EIF2AK1: variants seen among roughly 807,000 people sequenced by gnomAD.
EIF2AK1 encodes the protein eukaryotic translation initiation factor 2-alpha kinase 1.
A neutral mutation model predicts 77.9 loss-of-function variants in EIF2AK1; 54 were observed. That is an observed-to-expected ratio of 0.69 (90% confidence interval 0.56 to 0.87). The LOEUF is 0.87. EIF2AK1 is among the 40% of genes least tolerant of loss of function. The pLI is 0.00. For missense variants in EIF2AK1, 810 were observed against 768.6 expected (o/e 1.05, Z -0.64); for synonymous variants, 314 against 290.5 (o/e 1.08, Z -0.82).
intron 2 of EIF2AK1, among the ~76,000 whole-genome samples, chr7:6,050,279 C>G (rs927999109): frequency 6.6e-6 from 1 of 152,154 alleles, no homozygotes; most frequent in Non-Finnish European, 1.5e-5. Flanking sequence ...ACTGTAACCT[C>G]CACCTCCCGG....
rs940789731 is a variant in EIF2AK1, at chr7:6,028,497, C to T, written c.1530+118G>A. 1.5e-5 allele frequency: 14 copies of T among 916,912 alleles called. No homozygotes were observed. The African/African-American group carries it at 2.1e-4, about 14-fold the overall frequency. The allele number at this position is 916,912 out of a possible 1,614,324, so 56.8% of individuals were successfully genotyped here. A position where few individuals can be genotyped will look rare whatever the true frequency, so the allele number is the denominator to read the frequency against. ...GAACTCCTGACCTCCGGTGATCCAC[C>T]CACCTCGGCCTCCCAAAGTGCTGGG... is the stretch of plus-strand genomic sequence containing the variant. On this transcript the variant is annotated intron_variant, in intron 13 of 14. Transcript: ENST00000199389.
chr7:6,049,070 G>A (rs1788523580), intron 3 of EIF2AK1, among the ~76,000 whole-genome samples: 1 of 152,106 alleles, frequency 6.6e-6, no homozygotes, highest in Admixed American at 6.6e-5. Context: ...CCATGCAGGA[G>A]CTCCCCACCC....
rs893931715 is a variant in EIF2AK1 at position 6,032,463 on chromosome 7, G to A, written c.1333-3431C>T. 7.2e-5 allele frequency among the ~76,000 whole-genome samples: 11 copies of A among 152,180 alleles called. No homozygotes were observed. Among genetic ancestry groups the A allele is most frequent in the African/African-American group, 2.7e-4 (11 of 41,448 alleles). ...CTGCTGATAATACGACTTTGGCAAC[G>A]ACACAGCACCTACTTGTCCATCACC... On this transcript the variant is annotated intron_variant, in intron 11 of 14. Coordinates refer to ENST00000199389, the MANE Select transcript of EIF2AK1 (RefSeq NM_014413.4). This position sits in a 1 kb window ranked among gnomAD's most constrained non-coding sequence, Gnocchi z 4.3.
In EIF2AK1 at chr7:6,040,474, A is replaced by T. The variant is rs180935290; in HGVS notation, c.1119+418T>A. 5.9e-5 allele frequency among the ~76,000 whole-genome samples: 9 copies of T among 152,312 alleles called. No homozygotes were observed. The East Asian group carries it at 1.5e-3, about 26-fold the overall frequency. On this transcript the variant is annotated intron_variant, in intron 9 of 14. Transcript: ENST00000199389. Reference sequence around the variant, plus strand: ...CAAGAGCCTCCTGAAAACTACAACTAACATAAAACCAATTTTAAAATTAAA... The same window carrying T: ...CAAGAGCCTCCTGAAAACTACAACTTACATAAAACCAATTTTAAAATTAAA...
intron 11 of EIF2AK1, among the ~76,000 whole-genome samples, chr7:6,030,870 T>G (rs1787890111): frequency 6.6e-6 from 1 of 152,176 alleles, no homozygotes; most frequent in South Asian, 2.1e-4. Context: ...TAGATCACAC[T>G]AAATGGCTTT....
In EIF2AK1 at chr7:6,036,421, T is replaced by A; in HGVS notation, c.1332+1003A>T. The A allele has an allele frequency of 7.1e-7, 1 of 1,413,118 alleles. No homozygotes were observed. Among genetic ancestry groups the A allele is most frequent in the Non-Finnish European group, 9.3e-7 (1 of 1,079,588 alleles). The allele number at this position is 1,413,118 out of a possible 1,614,324, so 87.5% of individuals were successfully genotyped here. On this transcript the variant is annotated intron_variant, in intron 11 of 14. Coordinates refer to ENST00000199389, the MANE Select transcript of EIF2AK1 (RefSeq NM_014413.4). This position sits in a 1 kb window ranked among gnomAD's most constrained non-coding sequence, Gnocchi z 4.6. The stretch of plus-strand genomic sequence containing the variant: ...TCCCAGTTTCACAGCAGAGGGACTT[T>A]CAGCCACTCAAACTGCATTTTCTGG...
At chr7:6,041,966 T>C (rs1788311841) in intron 8 of EIF2AK1, among the ~76,000 whole-genome samples, 1 of 151,818 alleles carries the variant, frequency 6.6e-6, no homozygotes, top group Non-Finnish European at 1.5e-5. Flanking sequence ...CTGAACAGCA[T>C]GGCAAAACCC....
chr7:6,033,669 A>C lies in EIF2AK1; in HGVS notation c.1332+3755T>G, dbSNP rs952614339. On this transcript the variant is annotated intron_variant, in intron 11 of 14. Coordinates refer to ENST00000199389, the MANE Select transcript of EIF2AK1 (RefSeq NM_014413.4). This position sits in a 1 kb window ranked among gnomAD's most constrained non-coding sequence, Gnocchi z 4.4. The stretch of plus-strand genomic sequence containing the variant: ...GCAGTGGCACCATTCTCCTGGGTTC[A>C]CGCCATTCTCCTGCCTCAGCCTCCC... Among the ~76,000 whole-genome samples the C allele has an allele frequency of 1.3e-5, 2 of 151,034 alleles. No homozygotes were observed. The highest frequency in any genetic ancestry group is 1.3e-4 in the Admixed American group (2 of 15,132).
At position 6,050,630 on chromosome 7, in the gene EIF2AK1, TCTCA is replaced by T; in HGVS notation, c.278-589_278-586del. ...TTTTTTTTTTTTTTTTGAGATGGAG[TCTCA>T]CTCTGTCACGCAGGCTAGAGTGCAC... On this transcript the variant is annotated intron_variant, in intron 2 of 14. Coordinates refer to ENST00000199389, the MANE Select transcript of EIF2AK1 (RefSeq NM_014413.4). Among the ~76,000 whole-genome samples, 4 of 140,766 alleles carry T rather than the reference TCTCA, an allele frequency of 2.8e-5. No individual in the cohort carries two copies. In the South Asian group the frequency reaches 9.0e-4, roughly 32 times the overall value. The allele number at this position is 140,766 out of a possible 152,430, so 92.3% of individuals were successfully genotyped here. A position where few individuals can be genotyped will look rare whatever the true frequency, so the allele number is the denominator to read the frequency against.
intron 2 of EIF2AK1, among the ~76,000 whole-genome samples, chr7:6,053,761 G>A (rs1410412894): frequency 6.3e-5 from 9 of 143,940 alleles, no homozygotes; most frequent in African/African-American, 1.0e-4. Context: ...TCCGCCACCC[G>A]GGTTCAAGCA....
At chr7:6,026,229 C>T (rs188839717) in intron 14 of EIF2AK1, among the ~76,000 whole-genome samples, 19 of 152,018 alleles carry the variant, frequency 1.2e-4, no homozygotes, top group Non-Finnish European at 1.8e-4. Flanking sequence ...TCGAGGGACC[C>T]GCCCACCACT....
chr7:6,056,613 A>AAAAAAAAAAATATATATATATAT, intron 1 of EIF2AK1, among the ~76,000 whole-genome samples: 2 of 43,726 alleles, frequency 4.6e-5, no homozygotes, highest in African/African-American at 1.6e-4. Flanking sequence ...AAAAAAAAAA[A>AAAAAAAAAAATATATATATATAT]ATATATATAT....
chr7:6,024,616 C>G lies in EIF2AK1; in HGVS notation c.*57G>C. The G allele has an allele frequency of 6.2e-7, 1 of 1,610,926 alleles. No homozygotes were observed. The highest frequency in any genetic ancestry group is 1.3e-5 in the African/African-American group (1 of 74,848). On this transcript the variant is annotated 3_prime_UTR_variant, in exon 15 of 15. Transcript: ENST00000199389. ...AACGAAGCATTGTACCAACTATACC[C>G]TAATAAAGATTAAAAATTTACATTC...
Position 6,035,519 on chromosome 7 carries a change from A to C in EIF2AK1, c.1332+1905T>G. Reference sequence around the variant, plus strand: ...TCACTTCCACCACGTGGGCAAAACCAGGCAACAGAACGCACAGGATCCTGA... The same window carrying C: ...TCACTTCCACCACGTGGGCAAAACCCGGCAACAGAACGCACAGGATCCTGA... On this transcript the variant is annotated intron_variant, in intron 11 of 14. Coordinates refer to ENST00000199389, the MANE Select transcript of EIF2AK1 (RefSeq NM_014413.4). The surrounding 1 kb of genome is among the most constrained non-coding windows in gnomAD (Gnocchi z 5.5). The C allele has an allele frequency of 6.4e-7, 1 of 1,551,212 alleles. No individual in the cohort carries two copies. The highest frequency in any genetic ancestry group is 8.7e-7 in the Non-Finnish European group (1 of 1,147,124).
At chr7:6,055,073 T>C (rs1042605652) in intron 1 of EIF2AK1, among the ~76,000 whole-genome samples, 2 of 152,138 alleles carry the variant, frequency 1.3e-5, no homozygotes, top group African/African-American at 4.8e-5. Flanking sequence ...CCGGGCGCGG[T>C]TGTTCATGCC....
At chr7:6,034,137 T>A (rs950164548) in intron 11 of EIF2AK1, among the ~76,000 whole-genome samples, 3 of 151,204 alleles carry the variant, frequency 2.0e-5, no homozygotes, top group Non-Finnish European at 4.4e-5. Context: ...TGAAACCTCA[T>A]CTCTACTAAA....
intron 5 of EIF2AK1, chr7:6,046,467 T>G (rs1788446939): frequency 5.5e-6 from 1 of 180,788 alleles, no homozygotes; most frequent in African/African-American, 2.3e-5. Flanking sequence ...GGTCAAAAAT[T>G]CAAAGTTTCC....
chr7:6,056,540 G>C lies in EIF2AK1; in HGVS notation c.119-1836C>G, dbSNP rs1196166578. Among the ~76,000 whole-genome samples, 4 of 144,372 alleles carry C rather than the reference G, an allele frequency of 2.8e-5. No homozygotes were observed. The South Asian group carries it at 8.8e-4, about 32-fold the overall frequency. The allele number at this position is 144,372 out of a possible 152,430, so 94.7% of individuals were successfully genotyped here. On this transcript the variant is annotated intron_variant, in intron 1 of 14. Coordinates refer to ENST00000199389, the MANE Select transcript of EIF2AK1 (RefSeq NM_014413.4). ...CCTGGAGGGGCGGAGGTTGCAGTGA[G>C]CCGAGATCGCGCGACTGCACTCCAG...
chr7:6,058,112 C>G (rs1228811204), intron 1 of EIF2AK1: 2 of 455,520 alleles, frequency 4.4e-6, no homozygotes, highest in Non-Finnish European at 8.8e-6. Flanking sequence ...AAACAAAAGC[C>G]TCAAGAAAAC....
Sources: allele counts gnomAD v4.1 joint callset (sites outside exome capture counted in the v4.1 genomes callset), GRCh38; gene constraint gnomAD v4.1.1; non-coding constraint Gnocchi (gnomAD v3.1); transcripts MANE v1.5; gene names NCBI Gene and HGNC (gene_info 2026-07-23, HGNC 2026-07-21).